Variants in CEP63 observed in about 807,000 individuals in gnomAD.
The protein encoded by CEP63 is centrosomal protein of 63 kDa.
A neutral mutation model predicts 89.1 loss-of-function variants in CEP63; 84 were observed. The observed-to-expected ratio is 0.94, with a 90% CI of 0.79 to 1.13. The LOEUF is 1.13. CEP63 is among the 50% of genes most tolerant of loss of function. The pLI, the probability that CEP63 is intolerant of heterozygous loss-of-function variation, is 0.00. For synonymous variants in CEP63, 267 were observed against 272.5 expected (o/e 0.98, Z 0.20); for missense variants, 838 against 813.3 (o/e 1.03, Z -0.37).
rs377092880 is a variant in CEP63, at chr3:134,547,641, C to T, written c.1067+169C>T. ...TTTTTTTTTTTTTTGAGACGGAGTC[C>T]GCTCTGTCACCCAGACTGGAGTGCA... is the stretch of plus-strand genomic sequence containing the variant. On this transcript the variant is annotated intron_variant, in intron 9 of 14. Transcript: ENST00000675561. Among the ~76,000 whole-genome samples, 44 of 23,346 alleles carry T rather than the reference C, an allele frequency of 1.9e-3. 2 individuals are homozygous for T. The highest frequency in any genetic ancestry group is 4.1e-3 in the African/African-American group (37 of 9,018). 15.3% of individuals were successfully genotyped at this position (23,346 alleles called of 152,430 possible).
intron 9 of CEP63, among the ~76,000 whole-genome samples, 156 bp downstream of exon 9, chr3:134,547,628 T>TTTTTTTTTTTTTTTTTTTTTTTTA (rs1182808443): frequency 8.2e-6 from 1 of 122,608 alleles, no homozygotes. Flanking sequence ...TTTTTTTTTT[T>TTTTTTTTTTTTTTTTTTTTTTTTA]TGAGACGGAG....
chr3:134,575,143 C>T (rs1051782944), downstream of CEP63: 5 of 283,712 alleles, frequency 1.8e-5, no homozygotes, highest in African/African-American at 4.4e-5. Context: ...TTCATCCCTC[C>T]GTCCCTCCCT....
chr3:134,693,891 C>A, the CEP63 span, among the ~76,000 whole-genome samples: 678 of 152,272 alleles, frequency 4.5e-3, 3 homozygotes, highest in African/African-American at 0.015. Context: ...GTCTTCCTGG[C>A]GGTGCGTGAG....
In CEP63 at chr3:134,561,493, A is replaced by G; in HGVS notation, c.2070A>G (p.Arg690=). Residue 690 remains arginine (R), a synonymous_variant, in exon 15 of 15, where the codon AGA becomes AGG. Transcript: ENST00000675561. ...RLDAHIEELK[R]ESEKTVRQFT... ...ATGCCCATATTGAAGAACTAAAAAG[A>G]GAGAGTGAAAAGACAGTGAGACAAT... 1.2e-6 allele frequency: 2 copies of G among 1,614,038 alleles called. No individual in the cohort carries two copies. Among genetic ancestry groups the G allele is most frequent in the South Asian group, 1.1e-5 (1 of 91,084 alleles).
intron 14 of CEP63, among the ~76,000 whole-genome samples, chr3:134,560,678 CT>C (rs1485946713): frequency 1.3e-5 from 2 of 152,106 alleles, no homozygotes; most frequent in African/African-American, 4.8e-5. Flanking sequence ...AATACAGAAT[CT>C]ACCAGAATGA....
chr3:134,511,539 C>G (rs1944944725), intron 3 of CEP63: 1 of 152,576 alleles, frequency 6.6e-6, no homozygotes, highest in African/African-American at 2.4e-5. Context: ...TTAGTTCATT[C>G]TCTCATTGCA....
chr3:134,647,541 A>AG, the CEP63 span: 3 of 1,227,062 alleles, frequency 2.4e-6, no homozygotes, highest in Non-Finnish European at 3.6e-6. Context: ...CTCAGGGCAA[A>AG]AGAGTGATGT....
At chr3:134,486,839 C>T (rs1935628076) in intron 1 of CEP63, 1 of 152,274 alleles carries the variant, frequency 6.6e-6, no homozygotes. Flanking sequence ...ACTAACGGCT[C>T]CATGCACACA....
At chr3:134,544,438 C>T (rs1952745131) in intron 6 of CEP63, among the ~76,000 whole-genome samples, 1 of 152,112 alleles carries the variant, frequency 6.6e-6, no homozygotes, top group Non-Finnish European at 1.5e-5. Context: ...ATTTGTTTAC[C>T]TCTTTTAACT....
the CEP63 span, among the ~76,000 whole-genome samples, chr3:134,760,663 C>A: frequency 6.6e-6 from 1 of 152,222 alleles, no homozygotes; most frequent in African/African-American, 2.4e-5. Context: ...TGACATGATG[C>A]TGGGACCAGA....
the CEP63 span, among the ~76,000 whole-genome samples, chr3:134,602,382 C>T: frequency 6.6e-6 from 1 of 152,180 alleles, no homozygotes; most frequent in Admixed American, 6.5e-5. Flanking sequence ...GAGCCCTGAG[C>T]TGTCCCCATG....
chr3:134,503,284 C>G (rs549441073), intron 2 of CEP63, among the ~76,000 whole-genome samples: 27 of 152,008 alleles, frequency 1.8e-4, no homozygotes, highest in African/African-American at 6.3e-4. Context: ...AGTGGTCATT[C>G]AGGAGCATGC....
chr3:134,594,182 C>T, the CEP63 span, among the ~76,000 whole-genome samples: 1 of 152,240 alleles, frequency 6.6e-6, no homozygotes, highest in African/African-American at 2.4e-5. Context: ...AACGCTTCCT[C>T]ATTTTTCCTC....
chr3:134,703,156 C>T, the CEP63 span, among the ~76,000 whole-genome samples: 14 of 151,760 alleles, frequency 9.2e-5, no homozygotes, highest in Admixed American at 4.6e-4. Context: ...ATTAGCCAGG[C>T]GTGGTGGTGG....
At position 134,552,147 on chromosome 3, in the gene CEP63, G is replaced by A; in HGVS notation, c.1467+135G>A. On this transcript the variant is annotated intron_variant, in intron 12 of 14. Transcript: ENST00000675561. ...AGAAATTTTCTCAAAGAAAATGAAG[G>A]TAAAACAATACTGGAAGTGAGCAAA... 5.4e-6 allele frequency: 3 copies of A among 555,894 alleles called. No homozygotes were observed. The South Asian group carries it at 6.1e-5, about 11-fold the overall frequency. 34.4% of individuals were successfully genotyped at this position (555,894 alleles called of 1,614,324 possible).
Position 134,495,338 on chromosome 3 carries a change from A to G in CEP63, c.18A>G (p.Glu6=), listed in dbSNP as rs1389695077. The G allele has an allele frequency of 2.5e-6, 4 of 1,613,654 alleles. No individual in the cohort carries two copies. Among genetic ancestry groups the G allele is most frequent in the East Asian group, 2.2e-5 (1 of 44,862 alleles). ...ATTTGGTGATGGAGGCTTTGTTAGA[A>G]GGAATACAAAATCGAGGGCATGGTG... is the stretch of plus-strand genomic sequence containing the variant. MEALL[E]GIQNRGHGGG... Residue 6 remains glutamate (E), a synonymous_variant, in exon 2 of 15, where the codon GAA becomes GAG. Coordinates refer to ENST00000675561, the MANE Select transcript of CEP63 (RefSeq NM_001353108.3).
chr3:134,527,536 A>T (rs1373093464), intron 3 of CEP63, among the ~76,000 whole-genome samples: 1 of 152,184 alleles, frequency 6.6e-6, no homozygotes, highest in Admixed American at 6.5e-5. Flanking sequence ...AGGTGGATAC[A>T]TGTACACTTG....
At chr3:134,762,369 C>T in the CEP63 span, among the ~76,000 whole-genome samples, 1 of 152,146 alleles carries the variant, frequency 6.6e-6, no homozygotes, top group African/African-American at 2.4e-5. Context: ...GCACTTTCAT[C>T]CCCCAGATGC....
the CEP63 span, among the ~76,000 whole-genome samples, chr3:134,659,648 C>T: frequency 5.9e-4 from 90 of 152,290 alleles, no homozygotes; most frequent in African/African-American, 2.1e-3. Flanking sequence ...GTGAGTGCTC[C>T]TAGTGGTGGG....
Sources: allele counts gnomAD v4.1 joint callset (sites outside exome capture counted in the v4.1 genomes callset), GRCh38; gene constraint gnomAD v4.1.1; transcripts MANE v1.5; gene names NCBI Gene and HGNC (gene_info 2026-07-23, HGNC 2026-07-21).